RALGPS1: variants seen among roughly 807,000 people sequenced by gnomAD.
RALGPS1 encodes the protein ras-specific guanine nucleotide-releasing factor RalGPS1.
A neutral mutation model predicts 78.8 loss-of-function variants in RALGPS1; 19 were observed. That is an observed-to-expected ratio of 0.24 (90% confidence interval 0.17 to 0.35). The LOEUF (loss-of-function observed/expected upper bound fraction) is 0.35, where lower values mean the gene tolerates loss of function less well. RALGPS1 is among the 10% of genes least tolerant of loss of function. The pLI is 1.00. For missense variants in RALGPS1, 454 were observed against 688.3 expected, an observed-to-expected ratio of 0.66 and a Z score of 3.81; for synonymous variants, 228 against 256.3, an observed-to-expected ratio of 0.89 and a Z score of 1.06.
At chr9:127,202,272 C>T (rs190604873) in intron 14 of RALGPS1, among the ~76,000 whole-genome samples, 100 of 152,318 alleles carry the variant, frequency 6.6e-4, no homozygotes, top group African/African-American at 2.3e-3. Flanking sequence ...GCAGGAGTTT[C>T]TATTGTCTGG....
intron 10 of RALGPS1, among the ~76,000 whole-genome samples, chr9:127,172,518 G>A (rs997346951): frequency 2.6e-5 from 4 of 152,116 alleles, no homozygotes; most frequent in Admixed American, 6.5e-5. Context: ...GTGCCATTTC[G>A]TGGCTTCTCT....
At chr9:127,158,715 C>G (rs780155452) in intron 8 of RALGPS1, among the ~76,000 whole-genome samples, 2 of 138,996 alleles carry the variant, frequency 1.4e-5, no homozygotes, top group Non-Finnish European at 3.2e-5. Context: ...ACTTAGTTCA[C>G]TTTTTAAATG....
At chr9:126,945,735 C>T (rs541729730) in intron 1 of RALGPS1, among the ~76,000 whole-genome samples, 4 of 152,206 alleles carry the variant, frequency 2.6e-5, no homozygotes, top group African/African-American at 9.7e-5. Context: ...CAGGCCTGTT[C>T]TCAGGTCTCA....
chr9:126,958,142 A>AAAAAAAAAAAAAAAAT (rs113413659), intron 1 of RALGPS1, among the ~76,000 whole-genome samples: 2 of 77,078 alleles, frequency 2.6e-5, no homozygotes, highest in Non-Finnish European at 5.5e-5. Flanking sequence ...AAAAAAAAAA[A>AAAAAAAAAAAAAAAAT]ATATATATAT....
intron 14 of RALGPS1, among the ~76,000 whole-genome samples, chr9:127,209,242 T>C (rs2062102352): frequency 6.6e-6 from 1 of 152,258 alleles, no homozygotes; most frequent in African/African-American, 2.4e-5. Context: ...CCAGTTCCCC[T>C]GAGCAGTGCT....
intron 4 of RALGPS1, among the ~76,000 whole-genome samples, chr9:127,023,893 C>G (rs1253933455): frequency 1.3e-5 from 2 of 152,000 alleles, no homozygotes; most frequent in African/African-American, 4.8e-5. Flanking sequence ...AAAAATTAGC[C>G]AGGCATGGTG....
chr9:127,025,678 T>G (rs989015778), intron 4 of RALGPS1, among the ~76,000 whole-genome samples: 1 of 152,168 alleles, frequency 6.6e-6, no homozygotes, highest in Non-Finnish European at 1.5e-5. Context: ...GTAAAGTGTA[T>G]GAACAAATCT....
intron 8 of RALGPS1, among the ~76,000 whole-genome samples, chr9:127,127,719 A>AAT (rs1359385838): frequency 2.0e-5 from 3 of 152,226 alleles, no homozygotes; most frequent in Admixed American, 6.5e-5. Context: ...ATATGAGTGA[A>AAT]ATATTACTAT....
At chr9:127,198,907 T>G in intron 13 of RALGPS1, 108 bp from the exon 14 acceptor site, 1 of 957,348 alleles carries the variant, frequency 1.0e-6, no homozygotes, top group Non-Finnish European at 1.7e-6. Flanking sequence ...CAGGAAGCAG[T>G]TTCTGTGGCA....
intron 8 of RALGPS1, chr9:127,069,660 AT>A: frequency 4.5e-6 from 1 of 223,226 alleles, no homozygotes; most frequent in Non-Finnish European, 8.9e-6. Context: ...GTTCATCCAC[AT>A]CCTCCTGAAC....
chr9:126,943,082 T>G (rs746215564), intron 1 of RALGPS1, among the ~76,000 whole-genome samples: 21 of 152,162 alleles, frequency 1.4e-4, no homozygotes, highest in Non-Finnish European at 2.9e-4. Flanking sequence ...AAATTCTTAA[T>G]AATTTATAGT....
rs139380304 is a variant in RALGPS1, at chr9:127,091,014, C to T, written c.610+21658C>T. Among the ~76,000 whole-genome samples the T allele has an allele frequency of 6.6e-6, 1 of 152,348 alleles. No homozygotes were observed. The highest frequency in any genetic ancestry group is 1.9e-4 in the East Asian group (1 of 5,188). On this transcript the variant is annotated intron_variant, in intron 8 of 18. Transcript: ENST00000259351. The surrounding 1 kb of genome is among the most constrained non-coding windows in gnomAD (Gnocchi z 4.3). ...TGATCTTAGACAAATCACTTTCTCTCTCCTATCTGCTTTCCTCTTAATAGC... is the reference window on the plus strand; with the variant it reads ...TGATCTTAGACAAATCACTTTCTCTTTCCTATCTGCTTTCCTCTTAATAGC...
chr9:126,984,985 G>A (rs2041660590), intron 4 of RALGPS1, among the ~76,000 whole-genome samples: 1 of 152,186 alleles, frequency 6.6e-6, no homozygotes. Context: ...TTCATAGTTA[G>A]GGTAGATGAT....
intron 4 of RALGPS1, among the ~76,000 whole-genome samples, chr9:127,001,502 T>C (rs1588948513): frequency 6.6e-6 from 1 of 152,194 alleles, no homozygotes; most frequent in East Asian, 1.9e-4. Flanking sequence ...TACCATTTTA[T>C]GTATAGTGTA....
chr9:127,035,658 A>G (rs577687681), intron 5 of RALGPS1, among the ~76,000 whole-genome samples: 1 of 152,182 alleles, frequency 6.6e-6, no homozygotes, highest in East Asian at 1.9e-4. Flanking sequence ...AGGCTTCTCC[A>G]GCCTTGACCT....
At chr9:127,178,171 G>A (rs967824650) in intron 11 of RALGPS1, 4 of 550,084 alleles carry the variant, frequency 7.3e-6, no homozygotes, top group African/African-American at 1.9e-5. Context: ...GGAAGCAGGA[G>A]CGAGCAGAGA....
intron 4 of RALGPS1, chr9:127,017,088 A>G (rs1338667046): frequency 2.0e-5 from 3 of 152,240 alleles, no homozygotes; most frequent in Non-Finnish European, 4.4e-5. Context: ...TATATTTTCT[A>G]TTGATTACAT....
At chr9:127,210,952 G>A (rs978997205) in intron 14 of RALGPS1, among the ~76,000 whole-genome samples, 2 of 152,240 alleles carry the variant, frequency 1.3e-5, no homozygotes, top group Non-Finnish European at 2.9e-5. Context: ...CTCAGGAAGA[G>A]GAGGGGGAGC....
intron 5 of RALGPS1, among the ~76,000 whole-genome samples, chr9:127,045,634 G>A (rs2047680892): frequency 6.6e-6 from 1 of 152,070 alleles, no homozygotes; most frequent in African/African-American, 2.4e-5. Flanking sequence ...ATGGATTACG[G>A]TTGGAGACAT....
Sources: allele counts gnomAD v4.1 joint callset (sites outside exome capture counted in the v4.1 genomes callset), GRCh38; gene constraint gnomAD v4.1.1; non-coding constraint Gnocchi (gnomAD v3.1); transcripts MANE v1.5; gene names NCBI Gene and HGNC (gene_info 2026-07-23, HGNC 2026-07-21).